MYOF: variants seen among roughly 807,000 people sequenced by gnomAD.
MYOF encodes fer-1-like 3, myoferlin.
Under a neutral mutation model 284.2 loss-of-function variants are expected in MYOF, and 244 were observed. The observed-to-expected ratio is 0.86, with a 90% CI of 0.77 to 0.95. MYOF has a LOEUF of 0.95. Ranked by LOEUF, MYOF falls within the 40% of genes least tolerant of loss-of-function variation. MYOF has a pLI of 0.00. For synonymous variants in MYOF, 904 were observed against 919.7 expected (o/e 0.98, Z 0.31); for missense variants, 2,496 against 2,560.6 (o/e 0.97, Z 0.54).
At chr10:93,331,092 G>A (rs553142978) in intron 43 of MYOF, among the ~76,000 whole-genome samples, 1 of 152,198 alleles carries the variant, frequency 6.6e-6, no homozygotes, top group East Asian at 1.9e-4. Flanking sequence ...GTTTTACTAA[G>A]GAATATTTTT....
chr10:93,353,743 C>A, intron 32 of MYOF, 68 bp downstream of exon 32: 1 of 1,327,156 alleles, frequency 7.5e-7, no homozygotes, highest in Non-Finnish European at 1.1e-6. Flanking sequence ...AAAGCATTCA[C>A]TCGAAACACA....
chr10:93,456,963 A>C, intron 1 of MYOF, 26 bp from the exon 2 acceptor site: 1 of 1,552,406 alleles, frequency 6.4e-7, no homozygotes, highest in Non-Finnish European at 8.8e-7. Flanking sequence ...AGGAAGAGAC[A>C]GCAATCATTT....
intron 1 of MYOF, among the ~76,000 whole-genome samples, chr10:93,471,784 G>A (rs913975570): frequency 1.3e-5 from 2 of 152,030 alleles, no homozygotes; most frequent in African/African-American, 4.8e-5. Context: ...AGCTACTCAG[G>A]AGGCTGAGGC....
chr10:93,339,935 C>T (rs908845307), intron 39 of MYOF, among the ~76,000 whole-genome samples: 2 of 151,984 alleles, frequency 1.3e-5, no homozygotes, highest in East Asian at 1.9e-4. Context: ...AAAAATTAGC[C>T]GGGCGAGGTG....
intron 7 of MYOF, among the ~76,000 whole-genome samples, chr10:93,408,041 A>AGGTAATT (rs1366096445): frequency 3.3e-5 from 5 of 152,118 alleles, no homozygotes; most frequent in Non-Finnish European, 7.4e-5. Context: ...AGAGGGGACC[A>AGGTAATT]GGTAATTTTC....
chr10:93,409,783 T>C (rs781067264), intron 5 of MYOF, 44 bp from the exon 6 acceptor site: 1 of 1,598,536 alleles, frequency 6.3e-7, no homozygotes, highest in Non-Finnish European at 8.5e-7. Context: ...GCCCTTATCC[T>C]GTAAATGTCC....
intron 19 of MYOF, among the ~76,000 whole-genome samples, chr10:93,386,238 C>T (rs1030586252): frequency 6.6e-6 from 1 of 152,198 alleles, no homozygotes; most frequent in Non-Finnish European, 1.5e-5. Flanking sequence ...TTGCATGATC[C>T]TGGCTGTAAC....
At chr10:93,342,116 AC>A (rs371193402) in intron 38 of MYOF, 48 of 436,886 alleles carry the variant, frequency 1.1e-4, no homozygotes, top group African/African-American at 9.6e-4. Context: ...CATGGACATC[AC>A]AGAGTAATGC....
chr10:93,472,555 CT>C (rs1336829174), intron 1 of MYOF, among the ~76,000 whole-genome samples: 1 of 152,102 alleles, frequency 6.6e-6, no homozygotes, highest in African/African-American at 2.4e-5. Context: ...AGGAGAATCG[CT>C]TGAACCCAGG....
At chr10:93,317,235 G>A (rs1842652837) in intron 49 of MYOF, among the ~76,000 whole-genome samples, 2 of 100,118 alleles carry the variant, frequency 2.0e-5, no homozygotes, top group Non-Finnish European at 3.6e-5. Flanking sequence ...CCACACAGAT[G>A]TCTGAGTATG....
Position 93,372,914 on chromosome 10 carries a change from C to G in MYOF, c.2457+16G>C, listed in dbSNP as rs748400606. Reference sequence around the variant, plus strand: ...TGCATTTAGTGTGTTTCACATGACACAGTGAAGATATGTACCTTCAGAAAG... The same window carrying G: ...TGCATTTAGTGTGTTTCACATGACAGAGTGAAGATATGTACCTTCAGAAAG... On this transcript the variant is annotated intron_variant, in intron 24 of 53. Coordinates refer to ENST00000359263, the MANE Select transcript of MYOF (RefSeq NM_013451.4). The G allele has an allele frequency of 1.2e-6, 2 of 1,613,692 alleles. No individual in the cohort carries two copies. Among genetic ancestry groups the G allele is most frequent in the Non-Finnish European group, 1.7e-6 (2 of 1,179,572 alleles).
In MYOF at chr10:93,334,059, A is replaced by G. The variant is rs975127224; in HGVS notation, c.4564-146T>C. The G allele has an allele frequency of 6.7e-5, 49 of 732,746 alleles. No individual in the cohort carries two copies. In the East Asian group the frequency reaches 1.3e-3, roughly 19 times the overall value. 45.4% of individuals were successfully genotyped at this position (732,746 alleles called of 1,614,324 possible). ...AGAAATAATGTATATTGCACTTTGCATATTTCCAGTAGGGAAAGTGAAATG... is the reference window on the plus strand; with the variant it reads ...AGAAATAATGTATATTGCACTTTGCGTATTTCCAGTAGGGAAAGTGAAATG... On this transcript the variant is annotated intron_variant, in intron 41 of 53. Transcript: ENST00000359263.
chr10:93,448,279 T>C (rs2056492552), intron 3 of MYOF, among the ~76,000 whole-genome samples: 1 of 152,054 alleles, frequency 6.6e-6, no homozygotes, highest in African/African-American at 2.4e-5. Context: ...CAATTACTTT[T>C]GTGATTATAT....
chr10:93,366,412 C>T lies in MYOF; in HGVS notation c.2733G>A (p.Trp911Ter), dbSNP rs1215484175. The T allele has an allele frequency of 1.9e-6, 3 of 1,613,246 alleles. No individual in the cohort carries two copies. The highest frequency in any genetic ancestry group is 2.5e-6 in the Non-Finnish European group (3 of 1,179,882). ...CTTACCTTCTTTCAGGATCAACTAT[C>T]CACTCTCCTTCCCATTCCCAGCCTT... ...PPKGWEWEGE[W>*]IVDPERSLLT... The change falls in exon 26 of 54, where the codon TGG (tryptophan) becomes TGA (stop). Residue 911 changes from tryptophan to a stop codon, truncating the protein, a stop_gained. Transcript: ENST00000359263. LOFTEE classifies it high-confidence loss of function.
At chr10:93,431,812 C>G (rs1848888614) in intron 3 of MYOF, among the ~76,000 whole-genome samples, 1 of 145,662 alleles carries the variant, frequency 6.9e-6, no homozygotes, top group African/African-American at 2.6e-5. Context: ...CTGGGGTGAT[C>G]TCCACTCACT....
At chr10:93,433,283 G>A (rs143731948) in intron 3 of MYOF, among the ~76,000 whole-genome samples, 620 of 152,086 alleles carry the variant, frequency 4.1e-3, no homozygotes, top group African/African-American at 0.014. Flanking sequence ...TTAGCCCCTC[G>A]AGTAGCTGGG....
At chr10:93,464,307 C>G (rs1204031142) in intron 1 of MYOF, among the ~76,000 whole-genome samples, 1 of 152,200 alleles carries the variant, frequency 6.6e-6, no homozygotes, top group African/African-American at 2.4e-5. Flanking sequence ...TGCTAGCCCC[C>G]ACAACTGCAT....
At chr10:93,326,992 T>C (rs889648594) in intron 45 of MYOF, among the ~76,000 whole-genome samples, 3 of 151,946 alleles carry the variant, frequency 2.0e-5, no homozygotes, top group African/African-American at 7.3e-5. Flanking sequence ...AGAGGTGGGG[T>C]CTGTGTCATT....
chr10:93,351,245 G>A lies in MYOF; in HGVS notation c.3873C>T (p.Tyr1291=), dbSNP rs755043938. The change falls in exon 35 of 54, where the codon TAC becomes TAT. Residue 1291 remains tyrosine (Y), a synonymous_variant. Transcript: ENST00000359263. ...CAGGCCTGATCCCCTGGGGGACCAT[G>A]TATAGATTTGGCGCCCTTTGAGGGG... ...ILPPQRAPNL[Y]MVPQGIRPVV... 1.2e-6 allele frequency: 2 copies of A among 1,614,142 alleles called. No individual in the cohort carries two copies. The highest frequency in any genetic ancestry group is 1.7e-6 in the Non-Finnish European group (2 of 1,180,038).
Sources: allele counts gnomAD v4.1 joint callset (sites outside exome capture counted in the v4.1 genomes callset), GRCh38; gene constraint gnomAD v4.1.1; transcripts MANE v1.5; gene names NCBI Gene and HGNC (gene_info 2026-07-23, HGNC 2026-07-21).